The following PAAF1 variants were observed in gnomAD, a reference collection of about 807,000 sequenced individuals.
PAAF1 encodes the protein proteasomal ATPase associated factor 1.
Under a neutral mutation model 52.8 loss-of-function variants are expected in PAAF1, and 46 were observed. The ratio of observed to expected loss-of-function variants is 0.87; its 90% CI spans 0.69 to 1.11. PAAF1 has a LOEUF of 1.11. Among genes scored for constraint, PAAF1 ranks in the 50% most tolerant of loss-of-function variants. The probability of loss-of-function intolerance (pLI) is 0.00; values close to 1 mark genes in which losing one functional copy is unlikely to be tolerated. For missense variants in PAAF1, 424 were observed against 477.4 expected (o/e 0.89, Z 1.04); for synonymous variants, 178 against 172.8 (o/e 1.03, Z -0.24).
intron 2 of PAAF1, among the ~76,000 whole-genome samples, chr11:73,884,249 A>G (rs1455113768): frequency 6.6e-6 from 1 of 152,062 alleles, no homozygotes; most frequent in Non-Finnish European, 1.5e-5. Context: ...CCTGTAATCC[A>G]AGCACTTTGG....
At chr11:73,897,325 G>A (rs1409279473) in intron 4 of PAAF1, among the ~76,000 whole-genome samples, 3 of 151,154 alleles carry the variant, frequency 2.0e-5, no homozygotes, top group Admixed American at 6.6e-5. Flanking sequence ...GCTGCCAGGC[G>A]GAGACGCTCC....
rs1950433299 is a variant in PAAF1, at chr11:73,929,991, G to A, written c.*2629G>A. On this transcript the variant is annotated 3_prime_UTR_variant, in exon 12 of 12. Transcript: ENST00000310571. ...GAATCACTTGATCCCGGGAGGCAGA[G>A]GTTGTGGTGGGCTGAGATTGCGCCA... is the stretch of plus-strand genomic sequence containing the variant. The A allele has an allele frequency of 6.6e-6, 1 of 152,372 alleles. No homozygotes were observed. Among genetic ancestry groups the A allele is most frequent in the African/African-American group, 2.4e-5 (1 of 41,396 alleles). 9.4% of individuals were successfully genotyped at this position (152,372 alleles called of 1,614,324 possible).
intron 4 of PAAF1, among the ~76,000 whole-genome samples, chr11:73,892,964 A>G (rs990377853): frequency 1.3e-5 from 2 of 152,070 alleles, no homozygotes; most frequent in African/African-American, 4.8e-5. Flanking sequence ...CCAGCCTATA[A>G]CTTGCTTTTT....
rs187082202 is a variant in PAAF1 at position 73,911,119 on chromosome 11, C to T, written c.727+1526C>T. ...ACATTTATTACAGCTGATGAACCTA[C>T]GTGACACATTATTGTCACCCAAAGT... is the stretch of plus-strand genomic sequence containing the variant. On this transcript the variant is annotated intron_variant, in intron 7 of 11. Coordinates refer to ENST00000310571, the MANE Select transcript of PAAF1 (RefSeq NM_025155.3). Among the ~76,000 whole-genome samples the T allele has an allele frequency of 4.7e-4, 71 of 152,102 alleles. 1 individual carries two copies. Among genetic ancestry groups the T allele is most frequent in the African/African-American group, 1.6e-3 (68 of 41,486 alleles).
At chr11:73,926,626 G>A (rs1204373605) in intron 11 of PAAF1, among the ~76,000 whole-genome samples, 2 of 152,096 alleles carry the variant, frequency 1.3e-5, no homozygotes, top group African/African-American at 2.4e-5. Flanking sequence ...GGAGAATGGC[G>A]TGAACCCGGG....
intron 6 of PAAF1, among the ~76,000 whole-genome samples, chr11:73,901,870 C>CTTTTT (rs35218096): frequency 3.9e-5 from 5 of 128,222 alleles, no homozygotes; most frequent in African/African-American, 5.9e-5. Flanking sequence ...TGCGCCTTGC[C>CTTTTT]TTTTTTTTTT....
chr11:73,927,227 T>C, intron 11 of PAAF1, 58 bp from the exon 12 acceptor site: 1 of 1,339,664 alleles, frequency 7.5e-7, no homozygotes, highest in Non-Finnish European at 1.1e-6. Flanking sequence ...TAAGCCTCCA[T>C]CTTTTTGAAA....
Position 73,927,535 on chromosome 11 carries a change from T to C in PAAF1, c.*173T>C, listed in dbSNP as rs1950396458. Reference sequence around the variant, plus strand: ...GTGGAACTCTCATCCCAAGACCTACTTTGAACTGAGTAAGAAGGTCATTGT... The same window carrying C: ...GTGGAACTCTCATCCCAAGACCTACCTTGAACTGAGTAAGAAGGTCATTGT... On this transcript the variant is annotated 3_prime_UTR_variant, in exon 12 of 12. Transcript: ENST00000310571. The C allele has an allele frequency of 9.6e-6, 6 of 624,096 alleles. No individual in the cohort carries two copies. The South Asian group carries it at 1.2e-4, about 12-fold the overall frequency. The allele number at this position is 624,096 out of a possible 1,614,324, so 38.7% of individuals were successfully genotyped here. A position where few individuals can be genotyped will look rare whatever the true frequency, so the allele number is the denominator to read the frequency against.
At chr11:73,882,435 A>AT (rs1948940912) in intron 2 of PAAF1, among the ~76,000 whole-genome samples, 1 of 137,028 alleles carries the variant, frequency 7.3e-6, no homozygotes, top group Non-Finnish European at 1.6e-5. Context: ...TTTTATTTTT[A>AT]TTATTTATTT....
upstream of PAAF1, chr11:73,876,844 T>C: frequency 8.1e-6 from 5 of 619,960 alleles, no homozygotes; most frequent in Non-Finnish European, 7.5e-6. Flanking sequence ...TGTACATCCT[T>C]TCAGGAACCA....
intron 11 of PAAF1, among the ~76,000 whole-genome samples, chr11:73,925,609 CTTATTA>C (rs923806890): frequency 3.0e-4 from 45 of 151,884 alleles, no homozygotes; most frequent in South Asian, 4.1e-4. Context: ...ATTATTCATT[CTTATTA>C]TTATTAAGAC....
chr11:73,892,690 C>T (rs1452153403), intron 4 of PAAF1, among the ~76,000 whole-genome samples: 3 of 151,142 alleles, frequency 2.0e-5, no homozygotes, highest in African/African-American at 4.9e-5. Context: ...GATGGAGTCT[C>T]GCTCTGTTGC....
chr11:73,893,540 C>G (rs910761015), intron 4 of PAAF1, among the ~76,000 whole-genome samples: 3 of 151,688 alleles, frequency 2.0e-5, no homozygotes, highest in Non-Finnish European at 4.4e-5. Flanking sequence ...AGTTCAAGAC[C>G]AGCCTGGACA....
intron 11 of PAAF1, among the ~76,000 whole-genome samples, chr11:73,926,776 A>C (rs1045163142): frequency 6.6e-6 from 1 of 152,104 alleles, no homozygotes; most frequent in Non-Finnish European, 1.5e-5. Flanking sequence ...CCATTGTACA[A>C]ATGAGGCAAC....
chr11:73,880,551 G>C (rs927943562), intron 2 of PAAF1: 1 of 150,898 alleles, frequency 6.6e-6, no homozygotes, highest in South Asian at 2.1e-4. Context: ...GCCGGATGTG[G>C]TGGTGGGCCC....
chr11:73,913,446 AAAAT>A (rs1565147592), intron 7 of PAAF1, among the ~76,000 whole-genome samples: 1 of 152,210 alleles, frequency 6.6e-6, no homozygotes, highest in Non-Finnish European at 1.5e-5. Context: ...AATATTTTAA[AAAAT>A]AAATAAAGTT....
chr11:73,908,277 G>A (rs1035778147), intron 6 of PAAF1, among the ~76,000 whole-genome samples: 9 of 142,736 alleles, frequency 6.3e-5, no homozygotes, highest in African/African-American at 1.9e-4. Context: ...GTATATATGT[G>A]TATATATGTA....
Position 73,923,382 on chromosome 11 carries a change from T to C in PAAF1, c.1019-1233T>C, listed in dbSNP as rs559626816. ...GCATAAAGACATTCGTTTATGCACA[T>C]GCTGTCAACCATGTAAAATAGGCAC... On this transcript the variant is annotated intron_variant, in intron 10 of 11. Transcript: ENST00000310571. Among the ~76,000 whole-genome samples the C allele has an allele frequency of 2.1e-3, 314 of 152,286 alleles. 2 individuals carry two copies. The highest frequency in any genetic ancestry group is 6.9e-3 in the African/African-American group (288 of 41,572).
At chr11:73,910,728 C>A (rs1049888413) in intron 7 of PAAF1, among the ~76,000 whole-genome samples, 1 of 152,042 alleles carries the variant, frequency 6.6e-6, no homozygotes, top group Non-Finnish European at 1.5e-5. Flanking sequence ...CAGTGGCTCA[C>A]GCCTGTAATC....
Sources: allele counts gnomAD v4.1 joint callset (sites outside exome capture counted in the v4.1 genomes callset), GRCh38; gene constraint gnomAD v4.1.1; transcripts MANE v1.5; gene names NCBI Gene and HGNC (gene_info 2026-07-23, HGNC 2026-07-21).